Variants in MEOX1 observed in about 807,000 individuals in gnomAD.
The protein encoded by MEOX1 is homeobox protein MOX-1.
A neutral mutation model predicts 23.2 loss-of-function variants in MEOX1; 17 were observed. The observed-to-expected ratio is 0.73, with a 90% confidence interval of 0.50 to 1.10. The LOEUF (loss-of-function observed/expected upper bound fraction) is 1.10, where lower values mean the gene tolerates loss of function less well. MEOX1 is among the 50% of genes least tolerant of loss of function. MEOX1 has a pLI of 0.00. For missense variants in MEOX1, 333 were observed against 332.2 expected, an observed-to-expected ratio of 1.00 and a Z score of -0.02; for synonymous variants, 134 against 135.1, an observed-to-expected ratio of 0.99 and a Z score of 0.06.
intron 1 of MEOX1, among the ~76,000 whole-genome samples, chr17:43,652,430 A>G (rs147138638): frequency 3.4e-3 from 520 of 152,232 alleles, no homozygotes; most frequent in Middle Eastern, 0.014. Context: ...TTAAAGAGAG[A>G]GGGGTGCTCA....
In MEOX1 at chr17:43,646,500, G is replaced by A. The variant is rs190573048; in HGVS notation, c.470-2840C>T. ...AGCCCTTCCTTTCCACGGTTGCGGG[G>A]AGTGGATAGCCCAGAGGACCGCAGA... On this transcript the variant is annotated intron_variant, in intron 1 of 2. Transcript: ENST00000318579. 1.3e-4 allele frequency among the ~76,000 whole-genome samples: 20 copies of A among 152,368 alleles called. No homozygotes were observed. The East Asian group carries it at 3.7e-3, about 28-fold the overall frequency.
At chr17:43,646,258 G>T (rs1251154219) in intron 1 of MEOX1, among the ~76,000 whole-genome samples, 5 of 152,138 alleles carry the variant, frequency 3.3e-5, no homozygotes, top group African/African-American at 1.2e-4. Flanking sequence ...GCCCCGGGCC[G>T]GGGTCCCCGA....
At position 43,643,611 on chromosome 17, in the gene MEOX1, C is replaced by T. The variant is rs757203836; in HGVS notation, c.519G>A (p.Lys173=). ...GKPEGSSKAR[K]ERTAFTKEQL... ...GCTCCTTGGTGAAGGCCGTCCTCTC[C>T]TTGCGGGCTTTGCTGCTGCCCTCCG... Residue 173 remains lysine (K), a synonymous_variant, in exon 2 of 3, where the codon AAG becomes AAA. Coordinates refer to ENST00000318579, the MANE Select transcript of MEOX1 (RefSeq NM_004527.4). 8.1e-6 allele frequency: 13 copies of T among 1,613,542 alleles called. No homozygotes were observed. The highest frequency in any genetic ancestry group is 1.0e-5 in the Non-Finnish European group (12 of 1,179,902).
intron 1 of MEOX1, among the ~76,000 whole-genome samples, chr17:43,657,054 CT>C (rs1464572087): frequency 9.8e-5 from 13 of 132,654 alleles, no homozygotes; most frequent in African/African-American, 3.5e-4. Flanking sequence ...TTCTTTCTTT[CT>C]TTCCTTCCTT....
chr17:43,661,354 C>A lies in MEOX1; in HGVS notation c.181G>T (p.Asp61Tyr), dbSNP rs755485327. Residue 61 changes from aspartate (D) to tyrosine (Y), a missense_variant, in exon 1 of 3, where the codon GAC becomes TAC. By Grantham distance (160) the Asp-to-Tyr change is radical. Coordinates refer to ENST00000318579, the MANE Select transcript of MEOX1 (RefSeq NM_004527.4). ...GCTGCCAGGCAGGAGGCTGAGAAGT[C>A]AGGGTACGCTGCCGTCGCTGTCGCC... The part of the protein sequence containing the change: ...FLATATAAYP[D>Y]FSASCLAATP... The A allele has an allele frequency of 6.2e-7, 1 of 1,613,572 alleles. No homozygotes were observed. The highest frequency in any genetic ancestry group is 8.5e-7 in the Non-Finnish European group (1 of 1,179,848).
At chr17:43,645,334 G>C (rs946436392) in intron 1 of MEOX1, among the ~76,000 whole-genome samples, 2 of 151,734 alleles carry the variant, frequency 1.3e-5, no homozygotes, top group African/African-American at 4.8e-5. Context: ...CCGCCACCAC[G>C]CCCGGCAAAT....
At chr17:43,654,706 T>C (rs921904034) in intron 1 of MEOX1, among the ~76,000 whole-genome samples, 60 of 152,188 alleles carry the variant, frequency 3.9e-4, no homozygotes, top group African/African-American at 1.4e-3. Flanking sequence ...AAAAATATAA[T>C]TACTACATAA....
intron 1 of MEOX1, among the ~76,000 whole-genome samples, chr17:43,648,805 G>A (rs1424913660): frequency 6.6e-6 from 1 of 152,166 alleles, no homozygotes; most frequent in Non-Finnish European, 1.5e-5. Flanking sequence ...CTTGCTGTGT[G>A]CTCTGTTCCA....
chr17:43,660,482 T>G (rs1973115701), intron 1 of MEOX1, among the ~76,000 whole-genome samples: 1 of 152,186 alleles, frequency 6.6e-6, no homozygotes. Context: ...GTGGGCAGTC[T>G]GCCCCAAACC....
intron 1 of MEOX1, among the ~76,000 whole-genome samples, chr17:43,652,020 T>C (rs560547953): frequency 1.4e-4 from 22 of 152,282 alleles, no homozygotes; most frequent in South Asian, 1.2e-3. Flanking sequence ...TGAGTTCAGA[T>C]GGTGGCCGAG....
chr17:43,653,588 C>G (rs1972958612), intron 1 of MEOX1, among the ~76,000 whole-genome samples: 1 of 150,182 alleles, frequency 6.7e-6, no homozygotes, highest in Admixed American at 6.7e-5. Context: ...CAGCTCACTG[C>G]AACCTCCACT....
Position 43,643,484 on chromosome 17 carries a change from G to T in MEOX1, c.642+4C>A, listed in dbSNP as rs138317571. The T allele has an allele frequency of 3.3e-3, 5,126 of 1,570,546 alleles. 249 individuals carry two copies. In the Admixed American group the frequency reaches 0.088, roughly 27 times the overall value. On this transcript the variant is annotated splice_donor_region_variant and intron_variant, in intron 2 of 2. Transcript: ENST00000318579. The stretch of plus-strand genomic sequence containing the variant: ...AGAAGAGGAGGGGCCCACCGGGGGC[G>T]CACCTGGCGCTCAGAGAGGTCCAGG...
At chr17:43,644,895 G>A (rs1454544096) in intron 1 of MEOX1, among the ~76,000 whole-genome samples, 1 of 152,110 alleles carries the variant, frequency 6.6e-6, no homozygotes, top group Non-Finnish European at 1.5e-5. Context: ...CAGCCTGGGC[G>A]ACAGAGCAAG....
At chr17:43,648,101 T>C (rs1333166884) in intron 1 of MEOX1, among the ~76,000 whole-genome samples, 1 of 152,240 alleles carries the variant, frequency 6.6e-6, no homozygotes, top group Non-Finnish European at 1.5e-5. Flanking sequence ...TATGAGCACT[T>C]GCATGCCGTT....
rs775131096 is a variant in MEOX1, at chr17:43,661,390, G to T, written c.145C>A (p.Pro49Thr). The T allele has an allele frequency of 1.5e-6, 2 of 1,367,454 alleles. No homozygotes were observed. Among genetic ancestry groups the T allele is most frequent in the Admixed American group, 1.8e-5 (1 of 54,106 alleles). 84.7% of individuals were successfully genotyped at this position (1,367,454 alleles called of 1,614,324 possible). ...PPTPFSFHQKPDFLATATAAY... is the reference protein window; with the variant it reads ...PPTPFSFHQKTDFLATATAAY... The stretch of plus-strand genomic sequence containing the variant: ...GCCGTCGCTGTCGCCAGGAAGTCTG[G>T]TTTCTGGTGGAAGGAGAACGGGGTG... Residue 49 changes from proline (P) to threonine (T), a missense_variant, in exon 1 of 3, where the codon CCA (proline) becomes ACA (threonine). Pro to Thr is a conservative substitution (Grantham distance 38, BLOSUM62 -1). Transcript: ENST00000318579.
At position 43,653,202 on chromosome 17, in the gene MEOX1, C is replaced by T. The variant is rs536316980; in HGVS notation, c.469+7864G>A. Among the ~76,000 whole-genome samples, 7 of 146,132 alleles carry T rather than the reference C, an allele frequency of 4.8e-5. No homozygotes were observed. In the South Asian group the frequency reaches 1.3e-3, roughly 27 times the overall value. On this transcript the variant is annotated intron_variant, in intron 1 of 2. Transcript: ENST00000318579. Reference sequence around the variant, plus strand: ...TCTCCCCAGCTGGAGTGCAGTGGCACGATCTTGGCTCACAGCAACCTCTAC... The same window carrying T: ...TCTCCCCAGCTGGAGTGCAGTGGCATGATCTTGGCTCACAGCAACCTCTAC...
At chr17:43,658,344 T>A (rs1410038034) in intron 1 of MEOX1, among the ~76,000 whole-genome samples, 2 of 152,010 alleles carry the variant, frequency 1.3e-5, no homozygotes, top group African/African-American at 4.8e-5. Context: ...CCGACTCTAC[T>A]AAAAATACAA....
chr17:43,657,986 G>A (rs1973070048), intron 1 of MEOX1, among the ~76,000 whole-genome samples: 1 of 152,200 alleles, frequency 6.6e-6, no homozygotes, highest in Non-Finnish European at 1.5e-5. Flanking sequence ...AGGGGCTACT[G>A]CTATATGCCC....
In MEOX1 at chr17:43,642,252, G is replaced by A. The variant is rs12951420; in HGVS notation, c.643-220C>T. ...TGTGGCTTCGGATAAAGCCCCAGAC[G>A]GGGGAACATGTTCTAAAAGCACTCT... On this transcript the variant is annotated intron_variant, in intron 2 of 2. Transcript: ENST00000318579. Among the ~76,000 whole-genome samples the A allele has an allele frequency of 0.12, 17,777 of 152,140 alleles. 2,485 individuals are homozygous for A. The highest frequency in any genetic ancestry group is 0.34 in the African/African-American group (13,990 of 41,454).
Sources: gnomAD v4.1 joint callset for allele counts (sites outside exome capture counted in the v4.1 genomes callset) on GRCh38, gnomAD v4.1.1 for gene constraint, MANE v1.5 for transcripts, NCBI Gene and HGNC (gene_info 2026-07-23, HGNC 2026-07-21) for gene names.